The following CAND2 variants were observed in gnomAD, a reference collection of about 807,000 sequenced individuals.
The protein encoded by CAND2 is cullin-associated NEDD8-dissociated protein 2.
Under a neutral mutation model 98.9 loss-of-function variants are expected in CAND2, and 62 were observed. The ratio of observed to expected loss-of-function variants is 0.63; its 90% CI spans 0.51 to 0.77. The LOEUF is 0.77. Among genes scored for constraint, CAND2 ranks in the 30% least tolerant of loss-of-function variants. The pLI, the probability that CAND2 is intolerant of heterozygous loss-of-function variation, is 0.00. For missense variants in CAND2, 1,501 were observed against 1,655.2 expected (o/e 0.91, Z 1.62); for synonymous variants, 770 against 731.9 (o/e 1.05, Z -0.84).
At position 12,831,489 on chromosome 3, in the gene CAND2, CG is replaced by C; in HGVS notation, c.3402del (p.Leu1135TrpfsTer20). 1 of 1,614,036 alleles carries C rather than the reference CG, an allele frequency of 6.2e-7. No individual in the cohort carries two copies. Among genetic ancestry groups the C allele is most frequent in the Non-Finnish European group, 8.5e-7 (1 of 1,179,988 alleles). Reference protein sequence around the residue: ...IRMLTFIMVARLATLCPAPVL... With the variant: ...IRMLTFIMVAXLATLCPAPVL... ...GATGCTGACCTTCATCATGGTTGCC[CG>C]GCTGGCCACCCTGTGTCCTGCACCT... On this transcript the variant is annotated frameshift_variant, in exon 14 of 15. Transcript: ENST00000456430. LOFTEE classifies it high-confidence loss of function.
intron 5 of CAND2, among the ~76,000 whole-genome samples, 150 bp from the exon 6 acceptor site, chr3:12,812,837 AGGG>A (rs2061864074): frequency 6.6e-6 from 1 of 152,258 alleles, no homozygotes; most frequent in Admixed American, 6.5e-5. Context: ...TGGCAGAGTC[AGGG>A]CTAGAACCCA....
At chr3:12,814,912 T>C (rs374968064) in intron 7 of CAND2, among the ~76,000 whole-genome samples, 1 of 152,274 alleles carries the variant, frequency 6.6e-6, no homozygotes, top group South Asian at 2.1e-4. Context: ...CAAAAGGTCG[T>C]CATGAAGCTA....
In CAND2 at chr3:12,796,707, G is replaced by T; in HGVS notation, c.-14G>T. 3.2e-6 allele frequency: 5 copies of T among 1,567,904 alleles called. No homozygotes were observed. The highest frequency in any genetic ancestry group is 2.4e-5 in the East Asian group (1 of 41,964). ...ATTCCCTCCCGCCGGCCGGCTCCGC[G>T]GCGCGCAGCCACCATGAGCACCGCC... On this transcript the variant is annotated 5_prime_UTR_variant, in exon 1 of 15. Coordinates refer to ENST00000456430, the MANE Select transcript of CAND2 (RefSeq NM_001162499.2).
intron 10 of CAND2, among the ~76,000 whole-genome samples, chr3:12,818,721 AATT>A (rs2061930183): frequency 6.6e-6 from 1 of 152,222 alleles, no homozygotes. Context: ...TACCTACAGT[AATT>A]AATACTGAGT....
intron 11 of CAND2, among the ~76,000 whole-genome samples, chr3:12,820,993 G>A (rs1352859681): frequency 1.3e-5 from 2 of 152,216 alleles, no homozygotes; most frequent in Non-Finnish European, 2.9e-5. Flanking sequence ...CAGCACTTTG[G>A]GAGGCCAAGG....
rs1248725395 is a variant in CAND2 at position 12,816,020 on chromosome 3, T to A, written c.1441+12T>A. 1.2e-6 allele frequency: 2 copies of A among 1,611,744 alleles called. No individual in the cohort carries two copies. Among genetic ancestry groups the A allele is most frequent in the Admixed American group, 1.7e-5 (1 of 59,878 alleles). ...TGTGCTGGTATCAGGTAGGCTGGACTGCAACCAGGTATCTGCTGTTCTGGG... is the reference window on the plus strand; with the variant it reads ...TGTGCTGGTATCAGGTAGGCTGGACAGCAACCAGGTATCTGCTGTTCTGGG... On this transcript the variant is annotated intron_variant, in intron 9 of 14. Transcript: ENST00000456430.
chr3:12,816,402 C>T lies in CAND2; in HGVS notation c.1470C>T (p.Ser490=), dbSNP rs781503833. The part of the protein sequence containing the change: ...SGIIFSLADR[S]SSSTIRMDAL... The stretch of plus-strand genomic sequence containing the variant: ...TCATCTTCTCGCTGGCCGACCGCTC[C>T]AGCTCCTCCACCATCCGGATGGATG... The change falls in exon 10 of 15, where the codon TCC becomes TCT. Residue 490 remains serine (S), a synonymous_variant. Coordinates refer to ENST00000456430, the MANE Select transcript of CAND2 (RefSeq NM_001162499.2). The T allele has an allele frequency of 5.0e-6, 8 of 1,613,254 alleles. No individual in the cohort carries two copies. The South Asian group carries it at 8.8e-5, about 18-fold the overall frequency.
intron 11 of CAND2, among the ~76,000 whole-genome samples, chr3:12,821,050 A>T (rs903520335): frequency 6.6e-6 from 1 of 152,176 alleles, no homozygotes; most frequent in Non-Finnish European, 1.5e-5. Context: ...CCTGGCCAAC[A>T]CGGTGAAACC....
chr3:12,830,240 C>T (rs2062042316), intron 13 of CAND2, among the ~76,000 whole-genome samples: 1 of 152,200 alleles, frequency 6.6e-6, no homozygotes, highest in South Asian at 2.1e-4. Flanking sequence ...TCTGGGATTC[C>T]AGCCCCAAGA....
chr3:12,822,325 C>T (rs1458783868), intron 11 of CAND2, among the ~76,000 whole-genome samples: 1 of 141,538 alleles, frequency 7.1e-6, no homozygotes, highest in Non-Finnish European at 1.5e-5. Context: ...GAGAGAGTCT[C>T]ACTCTGTCAC....
intron 3 of CAND2, 66 bp from the exon 4 acceptor site, chr3:12,808,144 C>T: frequency 6.5e-7 from 1 of 1,537,036 alleles, no homozygotes. Context: ...CAGAGGCAGA[C>T]TAGTGGTGGA....
chr3:12,798,118 T>G (rs4535210), intron 1 of CAND2, among the ~76,000 whole-genome samples: 100,246 of 151,998 alleles, frequency 0.66, 35,212 homozygotes, highest in African/African-American at 0.91. Flanking sequence ...GGGTAAGGAT[T>G]AAATAAGATA....
intron 1 of CAND2, among the ~76,000 whole-genome samples, chr3:12,800,786 G>A (rs182794007): frequency 2.7e-4 from 41 of 152,068 alleles, no homozygotes; most frequent in South Asian, 1.0e-3. Flanking sequence ...GCTGTGGCAC[G>A]ATCTTGGCTC....
rs775374995 is a variant in CAND2 at position 12,816,648 on chromosome 3, T to C, written c.1716T>C (p.Ala572=). ...AGCCATATGTTGGAGAGATGTCTGC[T>C]GTCACCCTGGCGCGACTTCGTGCCA... ...DPEPYVGEMS[A]VTLARLRATD... Residue 572 remains alanine (A), a synonymous_variant, in exon 10 of 15, where the codon GCT becomes GCC. Transcript: ENST00000456430. 5.0e-6 allele frequency: 8 copies of C among 1,613,752 alleles called. No individual in the cohort carries two copies. The highest frequency in any genetic ancestry group is 1.1e-5 in the South Asian group (1 of 91,092).
chr3:12,804,244 A>G (rs1279525091), intron 2 of CAND2, among the ~76,000 whole-genome samples: 5 of 152,100 alleles, frequency 3.3e-5, no homozygotes, highest in Non-Finnish European at 7.4e-5. Flanking sequence ...ACCTGAGGTC[A>G]GGAGTTTGAG....
At chr3:12,824,374 G>A (rs2061982748) in intron 11 of CAND2, among the ~76,000 whole-genome samples, 1 of 152,138 alleles carries the variant, frequency 6.6e-6, no homozygotes, top group Non-Finnish European at 1.5e-5. Context: ...CCAAGAACAT[G>A]GCACCAGCAT....
Position 12,810,328 on chromosome 3 carries a change from A to AG in CAND2, c.757+9dup, listed in dbSNP as rs752853850. 7.0e-6 allele frequency: 10 copies of AG among 1,437,310 alleles called. No individual in the cohort carries two copies. The highest frequency in any genetic ancestry group is 9.1e-6 in the Non-Finnish European group (10 of 1,096,470). The allele number at this position is 1,437,310 out of a possible 1,614,324, so 89.0% of individuals were successfully genotyped here. ...CGCCAGGCCGGCCACCGCCTCGGTA[A>AG]GGGGGCAGGGGGCGGGGCCTGGGCT... On this transcript the variant is annotated splice_donor_region_variant and intron_variant, in intron 5 of 14. Transcript: ENST00000456430.
At position 12,817,591 on chromosome 3, in the gene CAND2, C is replaced by T. The variant is rs145585114; in HGVS notation, c.2659C>T (p.Arg887Cys). 328 of 1,613,892 alleles carry T rather than the reference C, an allele frequency of 2.0e-4. 3 individuals are homozygous for T. The East Asian group carries it at 7.0e-3, about 35-fold the overall frequency. Residue 887 changes from arginine to cysteine, a missense_variant, in exon 10 of 15, where the codon CGT (arginine) becomes TGT (cysteine). Physicochemically the swap from Arg to Cys is radical, Grantham distance 180 (BLOSUM62 -3). This residue lies in a region of CAND2 where 1,427 missense variants were observed against 1,545.3 expected (regional missense o/e 0.92). Coordinates refer to ENST00000456430, the MANE Select transcript of CAND2 (RefSeq NM_001162499.2). ...GGCTGCAGCCTCGTATGCACTGGGCCGTGTGGGTGCTGGCAGCCTGCCCGA... is the reference window on the plus strand; with the variant it reads ...GGCTGCAGCCTCGTATGCACTGGGCTGTGTGGGTGCTGGCAGCCTGCCCGA... ...VRAAASYALG[R>C]VGAGSLPDFL...
At chr3:12,810,527 G>A (rs1164768985) in intron 5 of CAND2, among the ~76,000 whole-genome samples, 1 of 152,196 alleles carries the variant, frequency 6.6e-6, no homozygotes, top group Non-Finnish European at 1.5e-5. Flanking sequence ...CCCCTGAAAC[G>A]CAGAGGTTGG....
Sources: gnomAD v4.1 joint callset for allele counts (sites outside exome capture counted in the v4.1 genomes callset) on GRCh38, gnomAD v4.1.1 for gene constraint, gnomAD v4.1.1 regional missense constraint, MANE v1.5 for transcripts, NCBI Gene and HGNC (gene_info 2026-07-23, HGNC 2026-07-21) for gene names.